The following FHAD1 variants were observed in gnomAD, a reference collection of about 807,000 sequenced individuals.
The protein encoded by FHAD1 is forkhead-associated domain-containing protein 1.
Under a neutral mutation model 191.3 loss-of-function variants are expected in FHAD1, and 146 were observed. The ratio of observed to expected loss-of-function variants is 0.76; its 90% CI spans 0.67 to 0.88. The LOEUF is 0.88. FHAD1 is among the 40% of genes least tolerant of loss of function. The pLI, the probability that FHAD1 is intolerant of heterozygous loss-of-function variation, is 0.00. For synonymous variants in FHAD1, 616 were observed against 672.3 expected (o/e 0.92, Z 1.29); for missense variants, 1,635 against 1,785.8 (o/e 0.92, Z 1.52).
At chr1:15,302,271 A>C (rs1669054747) in intron 6 of FHAD1, among the ~76,000 whole-genome samples, 1 of 152,244 alleles carries the variant, frequency 6.6e-6, no homozygotes, top group African/African-American at 2.4e-5. Flanking sequence ...CCGGTGTTCC[A>C]AACACAGAGG....
At chr1:15,347,169 C>T (rs1159754532) in intron 18 of FHAD1, among the ~76,000 whole-genome samples, 3 of 152,196 alleles carry the variant, frequency 2.0e-5, no homozygotes, top group Non-Finnish European at 4.4e-5. Flanking sequence ...CTGAGGTTTG[C>T]CCCCAAGTGA....
intron 18 of FHAD1, 24 bp downstream of exon 18, chr1:15,345,547 G>T (rs747712903): frequency 1.3e-6 from 2 of 1,537,392 alleles, no homozygotes; most frequent in Non-Finnish European, 1.8e-6. Context: ...GATAGAGTCG[G>T]CTGAGCCCCA....
rs1380075414 is a variant in FHAD1, at chr1:15,360,737, G to T, written c.2962+34G>T. On this transcript the variant is annotated intron_variant, in intron 22 of 33. Transcript: ENST00000688493. ...GAAGGGAGGCCAAGGAAATCTTAGT[G>T]TTCGGGGCAGGTTCTGATTGTCCGC... 4.6e-6 allele frequency: 7 copies of T among 1,528,666 alleles called. No individual in the cohort carries two copies. In the African/African-American group the frequency reaches 5.5e-5, roughly 12 times the overall value. The allele number at this position is 1,528,666 out of a possible 1,614,324, so 94.7% of individuals were successfully genotyped here. A position where few individuals can be genotyped will look rare whatever the true frequency, so the allele number is the denominator to read the frequency against.
chr1:15,401,627 A>T (rs1707129176), downstream of FHAD1, among the ~76,000 whole-genome samples: 1 of 152,182 alleles, frequency 6.6e-6, no homozygotes, highest in South Asian at 2.1e-4. Flanking sequence ...GGAGGGAAAA[A>T]ATAGCTTCCA....
rs1228233715 is a variant in FHAD1, at chr1:15,369,470, G to A, written c.3415G>A (p.Val1139Ile). Reference protein sequence around the residue: ...TCDTSVQIEPVHTEAFSSSQE... With the variant: ...TCDTSVQIEPIHTEAFSSSQE... Reference sequence around the variant, plus strand: ...TGACACCTCTGTGCAGATAGAACCCGTCCACACTGAGGCCTTCTCCAGCAG... The same window carrying A: ...TGACACCTCTGTGCAGATAGAACCCATCCACACTGAGGCCTTCTCCAGCAG... The change falls in exon 26 of 34, where the codon GTC becomes ATC. Residue 1139 changes from valine to isoleucine, a missense_variant. By Grantham distance (29) the Val-to-Ile change is conservative (BLOSUM62 3). Coordinates refer to ENST00000688493, the MANE Select transcript of FHAD1 (RefSeq NM_001391957.1). 4.5e-6 allele frequency: 7 copies of A among 1,551,570 alleles called. No homozygotes were observed. The highest frequency in any genetic ancestry group is 6.1e-6 in the Non-Finnish European group (7 of 1,147,008).
chr1:15,345,671 G>T, intron 18 of FHAD1, 148 bp downstream of exon 18: 1 of 666,594 alleles, frequency 1.5e-6, no homozygotes, highest in Non-Finnish European at 2.6e-6. Flanking sequence ...ACTTTGGGAA[G>T]CGTGGGAGAC....
rs779409884 is a variant in FHAD1 at position 15,296,251 on chromosome 1, A to ATT, written c.569-414_569-413dup. ...CAGTGAACACACACACCACTTTGTA[A>ATT]TTTTTTTTTTTTTTTTTTTTGAGAC... is the stretch of plus-strand genomic sequence containing the variant. On this transcript the variant is annotated intron_variant, in intron 4 of 33. Coordinates refer to ENST00000688493, the MANE Select transcript of FHAD1 (RefSeq NM_001391957.1). Among the ~76,000 whole-genome samples the ATT allele has an allele frequency of 6.7e-3, 901 of 134,588 alleles. 7 individuals carry two copies. Among genetic ancestry groups the ATT allele is most frequent in the Non-Finnish European group, 8.8e-3 (548 of 62,564 alleles). The allele number at this position is 134,588 out of a possible 152,430, so 88.3% of individuals were successfully genotyped here.
chr1:15,346,983 A>G (rs1689137603), intron 18 of FHAD1, among the ~76,000 whole-genome samples: 2 of 152,058 alleles, frequency 1.3e-5, no homozygotes, highest in Non-Finnish European at 2.9e-5. Flanking sequence ...GTTTTTCTTC[A>G]ACACTGACTC....
In FHAD1 at chr1:15,308,157, G is replaced by C. The variant is rs72864839; in HGVS notation, c.916-456G>C. On this transcript the variant is annotated intron_variant, in intron 6 of 33. Transcript: ENST00000688493. ...GCTCTGTTGAAGGAGTAGTGTCTGTGAGTGGGCTTTGTAGGTTCTAGAGTG... is the reference window on the plus strand; with the variant it reads ...GCTCTGTTGAAGGAGTAGTGTCTGTCAGTGGGCTTTGTAGGTTCTAGAGTG... 1.9e-3 allele frequency among the ~76,000 whole-genome samples: 284 copies of C among 152,344 alleles called. 1 individual carries two copies. Among genetic ancestry groups the C allele is most frequent in the African/African-American group, 6.4e-3 (265 of 41,574 alleles).
chr1:15,345,633 T>C (rs1302822450), intron 18 of FHAD1, 110 bp downstream of exon 18: 4 of 899,720 alleles, frequency 4.4e-6, no homozygotes, highest in Non-Finnish European at 3.5e-6. Context: ...GCCTTCCTCG[T>C]GGAGTTTGCG....
At chr1:15,273,927 C>T (rs1657211870) in intron 3 of FHAD1, among the ~76,000 whole-genome samples, 1 of 152,198 alleles carries the variant, frequency 6.6e-6, no homozygotes, top group Non-Finnish European at 1.5e-5. Flanking sequence ...CTAACGACCA[C>T]CGTTCTACTT....
intron 7 of FHAD1, 39 bp from the exon 8 acceptor site, chr1:15,313,018 C>T (rs774488009): frequency 1.3e-6 from 2 of 1,549,038 alleles, no homozygotes; most frequent in South Asian, 2.4e-5. Flanking sequence ...CAGTCATCCT[C>T]ACTGCCTCTT....
At chr1:15,330,592 T>G (rs1385231589) in intron 14 of FHAD1, among the ~76,000 whole-genome samples, 1 of 152,148 alleles carries the variant, frequency 6.6e-6, no homozygotes, top group Non-Finnish European at 1.5e-5. Context: ...GTGGTGACAA[T>G]TGCTATGAAG....
intron 21 of FHAD1, 25 bp downstream of exon 21, chr1:15,358,308 G>T: frequency 6.6e-7 from 1 of 1,518,124 alleles, no homozygotes; most frequent in South Asian, 1.3e-5. Flanking sequence ...TCCGGGAACG[G>T]GAGAATTTTT....
intron 31 of FHAD1, among the ~76,000 whole-genome samples, chr1:15,386,600 C>T (rs1476175122): frequency 6.6e-6 from 1 of 152,220 alleles, no homozygotes; most frequent in Non-Finnish European, 1.5e-5. Context: ...GCCAGCTCCC[C>T]TTCCGGGCTC....
At chr1:15,343,944 C>T (rs1273232815) in intron 16 of FHAD1, 1 of 152,238 alleles carries the variant, frequency 6.6e-6, no homozygotes, top group African/African-American at 2.4e-5. Flanking sequence ...CCATGTTAAA[C>T]ACTGCGTTGG....
At chr1:15,322,445 T>C (rs1203732696) in intron 10 of FHAD1, among the ~76,000 whole-genome samples, 1 of 152,198 alleles carries the variant, frequency 6.6e-6, no homozygotes, top group Non-Finnish European at 1.5e-5. Flanking sequence ...AGTCAAAGCA[T>C]AGAGTCAAGT....
intron 8 of FHAD1, among the ~76,000 whole-genome samples, chr1:15,315,775 C>A (rs376877322): frequency 1.2e-4 from 19 of 152,110 alleles, no homozygotes; most frequent in Non-Finnish European, 1.2e-4. Context: ...TGCAAGCCAC[C>A]GCGCCCAGCC....
At chr1:15,259,832 C>T (rs1316305360) in intron 2 of FHAD1, among the ~76,000 whole-genome samples, 1 of 152,118 alleles carries the variant, frequency 6.6e-6, no homozygotes, top group Non-Finnish European at 1.5e-5. Flanking sequence ...CTGCCTCTTA[C>T]AAGAGAAAGC....
Sources: gnomAD v4.1 joint callset for allele counts (sites outside exome capture counted in the v4.1 genomes callset) on GRCh38, gnomAD v4.1.1 for gene constraint, MANE v1.5 for transcripts, NCBI Gene and HGNC (gene_info 2026-07-23, HGNC 2026-07-21) for gene names.